Variants in OXNAD1 observed in about 807,000 individuals in gnomAD.
OXNAD1 encodes the protein oxidoreductase NAD-binding domain-containing protein 1.
Under a neutral mutation model 32.9 loss-of-function variants are expected in OXNAD1, and 34 were observed. The observed-to-expected ratio is 1.03, with a 90% CI of 0.79 to 1.38. The LOEUF (loss-of-function observed/expected upper bound fraction) is 1.38. Among genes scored for constraint, OXNAD1 ranks in the 40% most tolerant of loss-of-function variants. The probability of loss-of-function intolerance (pLI) is 0.00; values close to 1 mark genes in which losing one functional copy is unlikely to be tolerated. For missense variants in OXNAD1, 407 were observed against 379.4 expected, an observed-to-expected ratio of 1.07 and a Z score of -0.60; for synonymous variants, 134 against 135.2, an observed-to-expected ratio of 0.99 and a Z score of 0.06.
At chr3:16,282,037 ATTTTTTTTT>A (rs779324288) in intron 4 of OXNAD1, among the ~76,000 whole-genome samples, 49 of 95,702 alleles carry the variant, frequency 5.1e-4, no homozygotes, top group African/African-American at 1.8e-3. Flanking sequence ...AATGTTTGTA[ATTTTTTTTT>A]TTTTTTTTTT....
At chr3:16,311,994 G>T (rs186915418) in intron 9 of OXNAD1, among the ~76,000 whole-genome samples, 1 of 152,160 alleles carries the variant, frequency 6.6e-6, no homozygotes, top group Non-Finnish European at 1.5e-5. Flanking sequence ...GGTCTCTCCC[G>T]TAGCCTGGCT....
At chr3:16,267,124 T>G (rs1165061559) in intron 1 of OXNAD1, among the ~76,000 whole-genome samples, 2 of 152,366 alleles carry the variant, frequency 1.3e-5, no homozygotes, top group Non-Finnish European at 2.9e-5. Context: ...CTTTTCTCTG[T>G]CAGTGTCCTC....
chr3:16,273,314 A>G (rs2065084440), intron 4 of OXNAD1, among the ~76,000 whole-genome samples: 1 of 151,956 alleles, frequency 6.6e-6, no homozygotes, highest in Non-Finnish European at 1.5e-5. Context: ...AATTCTCAAA[A>G]CTATGCCGTA....
At position 16,295,047 on chromosome 3, in the gene OXNAD1, C is replaced by T. The variant is rs765254426; in HGVS notation, c.432+50C>T. 6 of 1,537,810 alleles carry T rather than the reference C, an allele frequency of 3.9e-6. No individual in the cohort carries two copies. In the East Asian group the frequency reaches 1.2e-4, roughly 30 times the overall value. The stretch of plus-strand genomic sequence containing the variant: ...CGATGATCTGGGTATCTCTGCCACC[C>T]ACAAAATTTGTGTTAAGCTCATTTG... On this transcript the variant is annotated intron_variant, in intron 6 of 8. Coordinates refer to ENST00000285083, the MANE Select transcript of OXNAD1 (RefSeq NM_138381.5).
Position 16,301,547 on chromosome 3 carries a change from C to T in OXNAD1, c.433-79C>T, listed in dbSNP as rs2067181012. ...AAATACTGATAATACAGGAGATAGA[C>T]CCAGTTTTATTAAAGTAGAACATTT... is the stretch of plus-strand genomic sequence containing the variant. On this transcript the variant is annotated intron_variant, in intron 6 of 8. Transcript: ENST00000285083. This position sits in a 1 kb window ranked among gnomAD's most constrained non-coding sequence, Gnocchi z 4.1. 3.3e-6 allele frequency: 5 copies of T among 1,518,462 alleles called. No homozygotes were observed. In the South Asian group the frequency reaches 6.0e-5, roughly 18 times the overall value. 94.1% of individuals were successfully genotyped at this position (1,518,462 alleles called of 1,614,324 possible).
At chr3:16,338,664 A>C (rs1382177033), downstream of OXNAD1, among the ~76,000 whole-genome samples, 1 of 152,216 alleles carries the variant, frequency 6.6e-6, no homozygotes, top group African/African-American at 2.4e-5. This position sits in a 1 kb window ranked among gnomAD's most constrained non-coding sequence, Gnocchi z 5.3. Flanking sequence ...TCTGGGAGTA[A>C]ATGGGACTTG....
rs765036738 is a variant in OXNAD1 at position 16,301,841 on chromosome 3, A to G, written c.648A>G (p.Ala216=). The change falls in exon 7 of 9, where the codon GCA becomes GCG. Residue 216 remains alanine, a synonymous_variant. Transcript: ENST00000285083. This position sits in a 1 kb window ranked among gnomAD's most constrained non-coding sequence, Gnocchi z 4.1. ...EIGTIKLFYS[A]KNTSELLFKK... ...GAACAATAAAACTATTCTACAGTGC[A>G]AAAAATACCAGCGAACTCCTGTTTA... The G allele has an allele frequency of 1.1e-4, 176 of 1,613,982 alleles. 7 individuals carry two copies. In the South Asian group the frequency reaches 1.8e-3, roughly 17 times the overall value.
intron 2 of OXNAD1, among the ~76,000 whole-genome samples, chr3:16,270,557 TAAC>T (rs2064851892): frequency 6.6e-6 from 1 of 152,144 alleles, no homozygotes; most frequent in Admixed American, 6.5e-5. Context: ...CTCTTACACT[TAAC>T]AAGAAATATA....
rs985458266 is a variant in OXNAD1, at chr3:16,346,456, T to C, written c.*31-2720T>C. 1 of 152,068 alleles carries C rather than the reference T, an allele frequency of 6.6e-6. No homozygotes were observed. Among genetic ancestry groups the C allele is most frequent in the Non-Finnish European group, 1.5e-5 (1 of 67,916 alleles). 9.4% of individuals were successfully genotyped at this position (152,068 alleles called of 1,614,324 possible). On this transcript the variant is annotated intron_variant, in intron 9 of 9. Transcript: ENST00000606098. This position sits in a 1 kb window ranked among gnomAD's most constrained non-coding sequence, Gnocchi z 4.4. Reference sequence around the variant, plus strand: ...CAAATACTTCCTTTTGTCATCTCATTATCCAAACCGTCAACAAGTCCAGTC... The same window carrying C: ...CAAATACTTCCTTTTGTCATCTCATCATCCAAACCGTCAACAAGTCCAGTC...
At chr3:16,318,741 T>TC (rs1559799202) in intron 9 of OXNAD1, among the ~76,000 whole-genome samples, 1 of 152,132 alleles carries the variant, frequency 6.6e-6, no homozygotes, top group African/African-American at 2.4e-5. Context: ...CCACCCTGTA[T>TC]CCCCCAAAAA....
intron 9 of OXNAD1, chr3:16,313,685 T>C (rs1051140619): frequency 3.9e-5 from 6 of 152,176 alleles, no homozygotes; most frequent in Non-Finnish European, 4.4e-5. Context: ...CTCAGAGCTG[T>C]GAAGAAACTG....
chr3:16,292,255 G>A lies in OXNAD1; in HGVS notation c.291-2601G>A, dbSNP rs182040447. On this transcript the variant is annotated intron_variant, in intron 5 of 8. Transcript: ENST00000285083. ...CGCCCAGGCTGGAGCGCAGTGGCAC[G>A]ATCTCGATTCAGTGCTACCTCTGCT... Among the ~76,000 whole-genome samples the A allele has an allele frequency of 5.5e-3, 824 of 149,108 alleles. 7 individuals carry two copies. Among genetic ancestry groups the A allele is most frequent in the African/African-American group, 0.019 (774 of 40,418 alleles).
rs1427980962 is a variant in OXNAD1, at chr3:16,344,602, G to C, written c.*31-4574G>C. On this transcript the variant is annotated intron_variant, in intron 9 of 9. Coordinates refer to the OXNAD1 transcript ENST00000606098. This position sits in a 1 kb window ranked among gnomAD's most constrained non-coding sequence, Gnocchi z 4.4. ...GGTATTCTGTGGCCTCCCAGAATCA[G>C]GTCTCTTCAGGTCCACCACCTTCTA... Among the ~76,000 whole-genome samples the C allele has an allele frequency of 6.6e-6, 1 of 152,072 alleles. No individual in the cohort carries two copies. Among genetic ancestry groups the C allele is most frequent in the Non-Finnish European group, 1.5e-5 (1 of 68,016 alleles).
At position 16,334,030 on chromosome 3, in the gene OXNAD1, T is replaced by A. The variant is rs759153460; in HGVS notation, c.*31-3082T>A. Among the ~76,000 whole-genome samples the A allele has an allele frequency of 2.6e-4, 39 of 152,252 alleles. 1 individual carries two copies. In the South Asian group the frequency reaches 3.9e-3, roughly 15 times the overall value. On this transcript the variant is annotated intron_variant, in intron 9 of 9. Coordinates refer to the OXNAD1 transcript ENST00000435829. The surrounding 1 kb of genome is among the most constrained non-coding windows in gnomAD (Gnocchi z 4.3). ...AATTTAAAAAATTAGCCGGGCATGG[T>A]GGCGGGTGCCTGTAGTCCCAGCTAC... is the stretch of plus-strand genomic sequence containing the variant.
chr3:16,333,428 T>C (rs944758912), intron 9 of OXNAD1, among the ~76,000 whole-genome samples: 7 of 152,244 alleles, frequency 4.6e-5, no homozygotes, highest in Non-Finnish European at 8.8e-5. Context: ...AGTAAGCAGA[T>C]GAATTTGCAA....
Position 16,302,616 on chromosome 3 carries a change from G to C in OXNAD1, c.676-24G>C. The C allele has an allele frequency of 6.5e-7, 1 of 1,534,590 alleles. No homozygotes were observed. The highest frequency in any genetic ancestry group is 9.0e-7 in the Non-Finnish European group (1 of 1,113,852). ...TTTTGATTTTTTAAAATTGTAGTGTGACCAAATATGTTTGACATTCCAGAA... is the reference window on the plus strand; with the variant it reads ...TTTTGATTTTTTAAAATTGTAGTGTCACCAAATATGTTTGACATTCCAGAA... On this transcript the variant is annotated intron_variant, in intron 7 of 8. Coordinates refer to ENST00000285083, the MANE Select transcript of OXNAD1 (RefSeq NM_138381.5). This position sits in a 1 kb window ranked among gnomAD's most constrained non-coding sequence, Gnocchi z 4.2.
chr3:16,338,913 T>C (rs770799854), downstream of OXNAD1, among the ~76,000 whole-genome samples: 13 of 152,200 alleles, frequency 8.5e-5, no homozygotes, highest in Non-Finnish European at 1.9e-4. This position sits in a 1 kb window ranked among gnomAD's most constrained non-coding sequence, Gnocchi z 5.3. Flanking sequence ...CGTTGTCCCC[T>C]CCACCTGTCA....
At position 16,316,909 on chromosome 3, in the gene OXNAD1, A is replaced by G. The variant is rs914755098; in HGVS notation, c.*30+13317A>G. Reference sequence around the variant, plus strand: ...CATCCTCTCCAGGATTGGAGTGCCCAGTGCAAATCCCCACCAGGGCCCTGC... The same window carrying G: ...CATCCTCTCCAGGATTGGAGTGCCCGGTGCAAATCCCCACCAGGGCCCTGC... On this transcript the variant is annotated intron_variant, in intron 9 of 9. Coordinates refer to the OXNAD1 transcript ENST00000435829. The surrounding 1 kb of genome is among the most constrained non-coding windows in gnomAD (Gnocchi z 4.5). 6 of 1,614,150 alleles carry G rather than the reference A, an allele frequency of 3.7e-6. No individual in the cohort carries two copies. The highest frequency in any genetic ancestry group is 3.3e-4 in the Middle Eastern group (2 of 6,062).
At chr3:16,306,588 A>G (rs1489975531), downstream of OXNAD1, among the ~76,000 whole-genome samples, 1 of 152,188 alleles carries the variant, frequency 6.6e-6, no homozygotes, top group Non-Finnish European at 1.5e-5. Flanking sequence ...CCCCCTACAC[A>G]TATACATGGA....
Sources: gnomAD v4.1 joint callset for allele counts (sites outside exome capture counted in the v4.1 genomes callset) on GRCh38, gnomAD v4.1.1 for gene constraint, Gnocchi (gnomAD v3.1) non-coding constraint, MANE v1.5 for transcripts, NCBI Gene and HGNC (gene_info 2026-07-23, HGNC 2026-07-21) for gene names.